The following ENO4 variants were observed in gnomAD, a reference collection of about 807,000 sequenced individuals.
ENO4 encodes 2-phospho-D-glycerate hydro-lyase.
Under a neutral mutation model 63.2 loss-of-function variants are expected in ENO4, and 53 were observed. The observed-to-expected ratio is 0.84, with a 90% CI of 0.67 to 1.05. The LOEUF (loss-of-function observed/expected upper bound fraction) is 1.05, where lower values mean the gene tolerates loss of function less well. ENO4 is among the 50% of genes least tolerant of loss of function. The pLI, the probability that ENO4 is intolerant of heterozygous loss-of-function variation, is 0.00. For synonymous variants in ENO4, 266 were observed against 283.8 expected (o/e 0.94, Z 0.63); for missense variants, 719 against 772.0 (o/e 0.93, Z 0.81).
chr10:116,886,715 A>G, downstream of ENO4: 1 of 1,092,500 alleles, frequency 9.2e-7, no homozygotes, highest in Non-Finnish European at 1.3e-6. Context: ...CCAGCCATTT[A>G]AAAGAAAAAA....
chr10:116,855,596 A>AT, intron 1 of ENO4, 27 bp from the exon 2 acceptor site: 1 of 1,535,826 alleles, frequency 6.5e-7, no homozygotes, highest in Non-Finnish European at 8.7e-7. Context: ...GAACCAGATG[A>AT]TTTTTGTTCT....
downstream of ENO4, chr10:116,885,786 TG>T (rs1847146845): frequency 1.3e-5 from 2 of 154,042 alleles, no homozygotes; most frequent in African/African-American, 4.8e-5. Context: ...ACACTGACTA[TG>T]GGACTACGAG....
intron 10 of ENO4, among the ~76,000 whole-genome samples, chr10:116,903,197 C>G (rs755836086): frequency 3.8e-4 from 58 of 152,196 alleles, no homozygotes; most frequent in Non-Finnish European, 7.6e-4. Flanking sequence ...CCTATACTCT[C>G]TAGGCAGACA....
At chr10:116,874,488 C>G (rs974309888) in intron 10 of ENO4, among the ~76,000 whole-genome samples, 1 of 152,038 alleles carries the variant, frequency 6.6e-6, no homozygotes, top group Non-Finnish European at 1.5e-5. Context: ...TATTCGCAAG[C>G]CCTTCAGGAG....
chr10:116,871,202 A>G lies in ENO4; in HGVS notation c.1125A>G (p.Leu375=). 1 of 1,550,516 alleles carries G rather than the reference A, an allele frequency of 6.4e-7. No homozygotes were observed. The highest frequency in any genetic ancestry group is 8.7e-7 in the Non-Finnish European group (1 of 1,146,954). The stretch of plus-strand genomic sequence containing the variant: ...ACTCCATAGAACAGCCACTGCTTCT[A>G]ATACAGGAAATCTGTGCCAACCTGG... ...NCDSIEQPLL[L]IQEICANLGL... Residue 375 remains leucine, a synonymous_variant, in exon 9 of 14, where the codon CTA becomes CTG. Coordinates refer to ENST00000341276, the MANE Select transcript of ENO4 (RefSeq NM_001242699.2).
chr10:116,902,522 C>T (rs1018990787), intron 10 of ENO4, among the ~76,000 whole-genome samples: 7 of 152,112 alleles, frequency 4.6e-5, no homozygotes, highest in African/African-American at 1.7e-4. Flanking sequence ...AAGAGTTTGG[C>T]TATTTACCTT....
chr10:116,859,021 A>C lies in ENO4; in HGVS notation c.517A>C (p.Lys173Gln), dbSNP rs2133252507. The change falls in exon 4 of 14, where the codon AAG becomes CAG. Residue 173 changes from lysine to glutamine, a missense_variant. Lys to Gln is a moderately conservative substitution (Grantham distance 53). This residue lies in a region of ENO4 where 544 missense variants were observed against 583.6 expected (regional missense o/e 0.93). Coordinates refer to ENST00000341276, the MANE Select transcript of ENO4 (RefSeq NM_001242699.2). ...IFFASKVQED[K>Q]GRKELEKSLE... ...CTTCGCAAGTAAAGTACAAGAAGATAAGGGGAGAAAAGAATTGGAAAAGAG... is the reference window on the plus strand; with the variant it reads ...CTTCGCAAGTAAAGTACAAGAAGATCAGGGGAGAAAAGAATTGGAAAAGAG... 1 of 1,535,770 alleles carries C rather than the reference A, an allele frequency of 6.5e-7. No homozygotes were observed. Among genetic ancestry groups the C allele is most frequent in the East Asian group, 2.4e-5 (1 of 40,902 alleles).
At position 116,850,034 on chromosome 10, in the gene ENO4, T is replaced by TC. The variant is rs1846028217; in HGVS notation, c.165+305dup. On this transcript the variant is annotated intron_variant, in intron 1 of 13. Coordinates refer to ENST00000341276, the MANE Select transcript of ENO4 (RefSeq NM_001242699.2). ...GCTTCCTCGCTGCCTAAGAGGCCTC[T>TC]CCGTTTGTGGGCCGGCCCACCGCCC... The TC allele has an allele frequency of 1.2e-4, 62 of 529,986 alleles. 2 individuals are homozygous for TC. The South Asian group carries it at 1.2e-3, about 10-fold the overall frequency. The allele number at this position is 529,986 out of a possible 1,614,324, so 32.8% of individuals were successfully genotyped here.
chr10:116,885,398 G>C (rs1847135577), downstream of ENO4: 4 of 151,410 alleles, frequency 2.6e-5, no homozygotes, highest in South Asian at 6.3e-4. Context: ...TATTCACTGT[G>C]GTAGCCTGAA....
chr10:116,853,304 A>AC (rs1267614271), intron 1 of ENO4, among the ~76,000 whole-genome samples: 1 of 151,778 alleles, frequency 6.6e-6, no homozygotes. Flanking sequence ...CAAAAAAAAA[A>AC]AAAAAAAAAA....
Position 116,881,715 on chromosome 10 carries a change from AC to A in ENO4, c.*48del. 1 of 1,364,272 alleles carries A rather than the reference AC, an allele frequency of 7.3e-7. No individual in the cohort carries two copies. Among genetic ancestry groups the A allele is most frequent in the Non-Finnish European group, 9.5e-7 (1 of 1,049,144 alleles). 84.5% of individuals were successfully genotyped at this position (1,364,272 alleles called of 1,614,324 possible). On this transcript the variant is annotated 3_prime_UTR_variant, in exon 14 of 14. Transcript: ENST00000341276. ...CCAGCCACACCATCAGTATTAGTAG[AC>A]CGGGAGGTCTGAAGTACGGCGCCGT...
intron 10 of ENO4, among the ~76,000 whole-genome samples, chr10:116,894,861 G>A (rs1486667200): frequency 1.3e-5 from 2 of 152,272 alleles, no homozygotes; most frequent in East Asian, 1.9e-4. Flanking sequence ...AAGCAAGAGG[G>A]CAAGAAAACA....
chr10:116,909,926 C>A (rs1231376956), intron 10 of ENO4, among the ~76,000 whole-genome samples: 1 of 152,092 alleles, frequency 6.6e-6, no homozygotes, highest in East Asian at 1.9e-4. Flanking sequence ...TTTCAGTACA[C>A]AACTGCAGGC....
chr10:116,863,912 C>G (rs1349746220), intron 7 of ENO4, among the ~76,000 whole-genome samples: 2 of 151,834 alleles, frequency 1.3e-5, no homozygotes, highest in Non-Finnish European at 2.9e-5. Context: ...GACAAGTTAG[C>G]TCTGATGTTG....
chr10:116,899,506 GGTGT>G (rs370396879), intron 10 of ENO4, among the ~76,000 whole-genome samples: 1,544 of 124,560 alleles, frequency 0.012, 26 homozygotes, highest in South Asian at 0.036. Context: ...GGCTGGGGCT[GGTGT>G]GTGTGTGTGT....
At chr10:116,894,040 T>TA (rs1237039705) in intron 10 of ENO4, among the ~76,000 whole-genome samples, 1 of 152,204 alleles carries the variant, frequency 6.6e-6, no homozygotes, top group Admixed American at 6.5e-5. Flanking sequence ...CAAACAATGA[T>TA]AAAAATCAAT....
intron 10 of ENO4, among the ~76,000 whole-genome samples, chr10:116,911,049 T>C (rs1414376141): frequency 6.6e-6 from 1 of 152,210 alleles, no homozygotes; most frequent in African/African-American, 2.4e-5. Context: ...TCCGCCCCCA[T>C]GTTTGTTGAC....
At chr10:116,873,989 G>T in intron 9 of ENO4, 87 bp from the exon 10 acceptor site, 1 of 1,415,078 alleles carries the variant, frequency 7.1e-7, no homozygotes, top group South Asian at 1.5e-5. Flanking sequence ...TATATAAAAT[G>T]AACGAAAACG....
intron 7 of ENO4, among the ~76,000 whole-genome samples, chr10:116,867,291 C>A (rs1286373879): frequency 6.6e-6 from 1 of 152,122 alleles, no homozygotes; most frequent in Non-Finnish European, 1.5e-5. Flanking sequence ...ATATTTGTTT[C>A]AGTTTTTAGC....
Sources: gnomAD v4.1 joint callset for allele counts (sites outside exome capture counted in the v4.1 genomes callset) on GRCh38, gnomAD v4.1.1 for gene constraint, gnomAD v4.1.1 regional missense constraint, MANE v1.5 for transcripts, NCBI Gene and HGNC (gene_info 2026-07-23, HGNC 2026-07-21) for gene names.